The following ARID1A variants were observed in gnomAD, a reference collection of about 807,000 sequenced individuals.
The protein encoded by ARID1A is AT-rich interactive domain-containing protein 1A.
Under a neutral mutation model 212.6 loss-of-function variants are expected in ARID1A, and 20 were observed. That is an observed-to-expected ratio of 0.09 (90% confidence interval 0.07 to 0.14). ARID1A has a LOEUF of 0.14. Ranked by LOEUF, ARID1A falls within the 10% of genes least tolerant of loss-of-function variation. The pLI is 1.00. For synonymous variants in ARID1A, 1,376 were observed against 1,222.1 expected (o/e 1.13, Z -2.63); for missense variants, 2,587 against 3,059.0 (o/e 0.85, Z 3.64).
intron 8 of ARID1A, among the ~76,000 whole-genome samples, chr1:26,763,898 C>A (rs892649670): frequency 6.6e-6 from 1 of 152,190 alleles, no homozygotes; most frequent in Non-Finnish European, 1.5e-5. Context: ...AAGTGATCCT[C>A]CCACCTCAGC....
chr1:26,738,980 C>T (rs1052544418), intron 4 of ARID1A, among the ~76,000 whole-genome samples: 5 of 151,652 alleles, frequency 3.3e-5, no homozygotes, highest in East Asian at 1.9e-4. Context: ...CTCCGCCTCC[C>T]GGGTTCAAGC....
chr1:26,771,871 G>A lies in ARID1A; in HGVS notation c.3406+545G>A, dbSNP rs1315678830. 1 of 167,924 alleles carries A rather than the reference G, an allele frequency of 6.0e-6. No homozygotes were observed. Among genetic ancestry groups the A allele is most frequent in the Non-Finnish European group, 1.3e-5 (1 of 77,334 alleles). 10.4% of individuals were successfully genotyped at this position (167,924 alleles called of 1,614,324 possible). On this transcript the variant is annotated intron_variant, in intron 12 of 19. Coordinates refer to ENST00000324856, the MANE Select transcript of ARID1A (RefSeq NM_006015.6). This position sits in a 1 kb window ranked among gnomAD's most constrained non-coding sequence, Gnocchi z 5.4. Reference sequence around the variant, plus strand: ...AGGCCAGGGTGCCTGGAAGGTGGGTGTAAACACATGTGCCCTGGTGTTGAC... The same window carrying A: ...AGGCCAGGGTGCCTGGAAGGTGGGTATAAACACATGTGCCCTGGTGTTGAC...
rs1202361373 is a variant in ARID1A at position 26,773,414 on chromosome 1, C to T, written c.3784C>T (p.Arg1262Cys). 6.2e-7 allele frequency: 1 copy of T among 1,613,190 alleles called. No individual in the cohort carries two copies. Among genetic ancestry groups the T allele is most frequent in the Non-Finnish European group, 8.5e-7 (1 of 1,179,492 alleles). Residue 1262 changes from arginine to cysteine, a missense_variant, in exon 15 of 20, where the codon CGT becomes TGT. Coordinates refer to ENST00000324856, the MANE Select transcript of ARID1A (RefSeq NM_006015.6). ...CGGCGGGATGGGTGACCCCTACAGT[C>T]GTGCTGCCGGCCCTGGGCTAGGAAA... ...PNGGMGDPYS[R>C]AAGPGLGNVA... is the part of the protein sequence containing the mutation.
chr1:26,756,486 G>T (rs914352110), intron 4 of ARID1A, among the ~76,000 whole-genome samples: 1 of 151,472 alleles, frequency 6.6e-6, no homozygotes, highest in Admixed American at 6.6e-5. Flanking sequence ...AACCAAGGAG[G>T]TGGAAGTTGC....
intron 4 of ARID1A, among the ~76,000 whole-genome samples, chr1:26,749,609 A>G (rs1334620505): frequency 6.6e-6 from 1 of 152,156 alleles, no homozygotes; most frequent in African/African-American, 2.4e-5. Context: ...GCCTCCACCC[A>G]GAGGGTCAGA....
rs1415289971 is a variant in ARID1A, at chr1:26,781,403, G to A, written c.*647G>A. On this transcript the variant is annotated 3_prime_UTR_variant, in exon 20 of 20. Transcript: ENST00000324856. ...AATGTCTCACATGGAAACAGAAAAC[G>A]CTGGGTCAGCAGCAAGCTGTAGTTT... The A allele has an allele frequency of 8.6e-6, 2 of 233,064 alleles. No individual in the cohort carries two copies. Among genetic ancestry groups the A allele is most frequent in the African/African-American group, 2.2e-5 (1 of 45,190 alleles). The allele number at this position is 233,064 out of a possible 1,614,324, so 14.4% of individuals were successfully genotyped here.
intron 2 of ARID1A, among the ~76,000 whole-genome samples, chr1:26,730,673 A>AT (rs1210948364): frequency 2.0e-5 from 3 of 152,004 alleles, no homozygotes; most frequent in South Asian, 2.1e-4. Context: ...GCTGTCAAAT[A>AT]TTTTTTTTGA....
chr1:26,714,474 C>T (rs563015651), intron 1 of ARID1A, among the ~76,000 whole-genome samples: 8 of 152,158 alleles, frequency 5.3e-5, no homozygotes, highest in East Asian at 1.9e-4. Context: ...AGTGTAGTGG[C>T]GCAATCTCGG....
chr1:26,736,016 C>T (rs1300170755), intron 4 of ARID1A, among the ~76,000 whole-genome samples: 1 of 152,074 alleles, frequency 6.6e-6, no homozygotes, highest in Admixed American at 6.6e-5. Context: ...TGACTAAAGG[C>T]CATTGTTATT....
rs2124120320 is a variant in ARID1A, at chr1:26,774,767, A to G, written c.4540A>G (p.Thr1514Ala). Residue 1514 changes from threonine to alanine, a missense_variant, in exon 18 of 20, where the codon ACG (threonine) becomes GCG (alanine). Transcript: ENST00000324856. This position sits in a 1 kb window ranked among gnomAD's most constrained non-coding sequence, Gnocchi z 5.6. Reference protein sequence around the residue: ...MTYNYANRQSTGSAPQGPAYH... With the variant: ...MTYNYANRQSAGSAPQGPAYH... Reference sequence around the variant, plus strand: ...CTATAATTATGCCAACAGGCAGAGCACGGGCTCTGCCCCCCAGGGCCCCGC... The same window carrying G: ...CTATAATTATGCCAACAGGCAGAGCGCGGGCTCTGCCCCCCAGGGCCCCGC... 6.2e-7 allele frequency: 1 copy of G among 1,614,226 alleles called. No homozygotes were observed. The highest frequency in any genetic ancestry group is 2.2e-5 in the East Asian group (1 of 44,880).
intron 4 of ARID1A, among the ~76,000 whole-genome samples, chr1:26,739,994 AAAAAAAAAAAG>A (rs2080772712): frequency 6.6e-6 from 1 of 152,016 alleles, no homozygotes; most frequent in South Asian, 2.1e-4. Context: ...CATCTTAAAA[AAAAAAAAAAAG>A]AAAAAAAAAA....
intron 4 of ARID1A, among the ~76,000 whole-genome samples, chr1:26,738,351 T>G (rs1050091682): frequency 3.3e-5 from 5 of 152,120 alleles, no homozygotes; most frequent in African/African-American, 1.2e-4. Flanking sequence ...CCCATACTTC[T>G]TGTTAGTACT....
At chr1:26,745,715 T>C (rs977228116) in intron 4 of ARID1A, among the ~76,000 whole-genome samples, 1 of 152,182 alleles carries the variant, frequency 6.6e-6, no homozygotes, top group Non-Finnish European at 1.5e-5. Flanking sequence ...CTGTTGCTTT[T>C]ACTGTTAGGA....
chr1:26,773,275 C>G (rs2124109588), intron 14 of ARID1A, 71 bp from the exon 15 acceptor site: 1 of 1,504,018 alleles, frequency 6.6e-7, no homozygotes, highest in Admixed American at 2.2e-5. Flanking sequence ...TGAAGAGGGC[C>G]TGGGTCAAAG....
chr1:26,771,590 AG>A lies in ARID1A; in HGVS notation c.3406+268del. ...AAATGTTTGTAAACTGGTGAATGGG[AG>A]GGGCACAAGAGGAGTCGGTGGAACT... On this transcript the variant is annotated intron_variant, in intron 12 of 19. Transcript: ENST00000324856. The surrounding 1 kb of genome is among the most constrained non-coding windows in gnomAD (Gnocchi z 5.4). 3 of 509,202 alleles carry A rather than the reference AG, an allele frequency of 5.9e-6. No individual in the cohort carries two copies. Among genetic ancestry groups the A allele is most frequent in the Non-Finnish European group, 1.1e-5 (3 of 283,258 alleles). The allele number at this position is 509,202 out of a possible 1,614,324, so 31.5% of individuals were successfully genotyped here. A position where few individuals can be genotyped will look rare whatever the true frequency, so the allele number is the denominator to read the frequency against.
chr1:26,718,031 A>G (rs1174835209), intron 1 of ARID1A, among the ~76,000 whole-genome samples: 3 of 152,062 alleles, frequency 2.0e-5, no homozygotes, highest in African/African-American at 7.3e-5. Flanking sequence ...CTGGAGTGCA[A>G]AGGTGCAATC....
intron 4 of ARID1A, 48 bp downstream of exon 4, chr1:26,732,840 C>G (rs112713422): frequency 1.4e-6 from 2 of 1,459,466 alleles, no homozygotes. Flanking sequence ...AGAGAGGAAA[C>G]CAATGCAAAC....
rs767536659 is a variant in ARID1A, at chr1:26,762,202, G to A, written c.2302G>A (p.Gly768Ser). 40 of 1,613,930 alleles carry A rather than the reference G, an allele frequency of 2.5e-5. No homozygotes were observed. Among genetic ancestry groups the A allele is most frequent in the Admixed American group, 8.3e-5 (5 of 59,998 alleles). ...GCCCCAGTACAGTTCCCCCCAGCCC[G>A]GCTCAGCCTTATCTCCGCGTCAGCC... ...QMPQYSSPQP[G>S]SALSPRQPSG... Residue 768 changes from glycine to serine, a missense_variant, in exon 7 of 20, where the codon GGC becomes AGC. Gly to Ser is a moderately conservative substitution (Grantham distance 56). Coordinates refer to ENST00000324856, the MANE Select transcript of ARID1A (RefSeq NM_006015.6).
In ARID1A at chr1:26,763,218, G is replaced by C. The variant is rs1048929723; in HGVS notation, c.2665G>C (p.Gly889Arg). Residue 889 changes from glycine to arginine, a missense_variant, in exon 8 of 20, where the codon GGC becomes CGC. Coordinates refer to ENST00000324856, the MANE Select transcript of ARID1A (RefSeq NM_006015.6). Reference protein sequence around the residue: ...VGSGMCPPPGGMNRKTQETAV... With the variant: ...VGSGMCPPPGRMNRKTQETAV... Reference sequence around the variant, plus strand: ...GTCAGGGATGTGTCCCCCACCAGGGGGCATGAACCGGAAAACCCAAGAAAC... The same window carrying C: ...GTCAGGGATGTGTCCCCCACCAGGGCGCATGAACCGGAAAACCCAAGAAAC... 5 of 1,613,712 alleles carry C rather than the reference G, an allele frequency of 3.1e-6. No homozygotes were observed. In the African/African-American group the frequency reaches 6.7e-5, roughly 22 times the overall value.
Sources: gnomAD v4.1 joint callset for allele counts (sites outside exome capture counted in the v4.1 genomes callset) on GRCh38, gnomAD v4.1.1 for gene constraint, Gnocchi (gnomAD v3.1) non-coding constraint, MANE v1.5 for transcripts, NCBI Gene and HGNC (gene_info 2026-07-23, HGNC 2026-07-21) for gene names.